Variants in RABL2A observed in about 807,000 individuals in gnomAD.
RABL2A encodes rab-like protein 2A.
In RABL2A, 17 loss-of-function variants were observed where a neutral mutation model predicts 30.7. The ratio of observed to expected loss-of-function variants is 0.55; its 90% confidence interval spans 0.38 to 0.83. The LOEUF is 0.83. Ranked by LOEUF, RABL2A falls within the 40% of genes least tolerant of loss-of-function variation. RABL2A has a pLI of 0.00. For synonymous variants in RABL2A, 64 were observed against 101.8 expected, an observed-to-expected ratio of 0.63 and a Z score of 2.24; for missense variants, 155 against 272.6, an observed-to-expected ratio of 0.57 and a Z score of 3.04.
Position 113,642,386 on chromosome 2 carries a change from A to G in RABL2A, c.*257A>G, listed in dbSNP as rs1010656751. 3 of 693,282 alleles carry G rather than the reference A, an allele frequency of 4.3e-6. No homozygotes were observed. The highest frequency in any genetic ancestry group is 6.6e-6 in the Non-Finnish European group (3 of 453,960). 42.9% of individuals were successfully genotyped at this position (693,282 alleles called of 1,614,324 possible). A position where few individuals can be genotyped will look rare whatever the true frequency, so the allele number is the denominator to read the frequency against. On this transcript the variant is annotated 3_prime_UTR_variant, in exon 9 of 9. Transcript: ENST00000683472. ...GATCAGCATCATTAACACCTTCCCCACCCCCTCCCCCCAGGCAGACAGTGA... is the reference window on the plus strand; with the variant it reads ...GATCAGCATCATTAACACCTTCCCCGCCCCCTCCCCCCAGGCAGACAGTGA...
intron 5 of RABL2A, among the ~76,000 whole-genome samples, chr2:113,639,712 C>A (rs909132861): frequency 6.6e-6 from 1 of 151,914 alleles, no homozygotes; most frequent in Non-Finnish European, 1.5e-5. Flanking sequence ...AAAAATTAGC[C>A]AGGCATGGTG....
At chr2:113,629,961 C>T (rs1269748262) in intron 2 of RABL2A, among the ~76,000 whole-genome samples, 1 of 152,176 alleles carries the variant, frequency 6.6e-6, no homozygotes, top group African/African-American at 2.4e-5. Flanking sequence ...TATCCCCACT[C>T]AAGTTTAAAA....
chr2:113,631,160 G>A (rs993518493), intron 2 of RABL2A, among the ~76,000 whole-genome samples: 1 of 152,112 alleles, frequency 6.6e-6, no homozygotes, highest in Non-Finnish European at 1.5e-5. Flanking sequence ...CTCCCAAAGC[G>A]CTGGGATTAC....
intron 3 of RABL2A, chr2:113,633,938 A>C (rs1681451400): frequency 9.7e-7 from 1 of 1,034,126 alleles, no homozygotes; most frequent in Admixed American, 2.7e-5. Context: ...GCCAGGACAC[A>C]CTCTCATCTC....
intron 2 of RABL2A, among the ~76,000 whole-genome samples, 172 bp downstream of exon 2, chr2:113,628,885 G>A (rs1270945563): frequency 6.6e-6 from 1 of 152,206 alleles, no homozygotes; most frequent in Non-Finnish European, 1.5e-5. Flanking sequence ...CGTTGTGTGT[G>A]TCGGGTGGAG....
Position 113,633,002 on chromosome 2 carries a change from T to G in RABL2A, c.137+58T>G, listed in dbSNP as rs149971467. 1.9e-4 allele frequency: 307 copies of G among 1,613,596 alleles called. 1 individual carries two copies. The East Asian group carries it at 6.8e-3, about 36-fold the overall frequency. ...CTGTGGGTCTTCCCACGCTCATGTA[T>G]CAGTGTCCCACTGCCCACCCCTTTG... is the stretch of plus-strand genomic sequence containing the variant. On this transcript the variant is annotated intron_variant, in intron 3 of 8. Coordinates refer to ENST00000683472, the MANE Select transcript of RABL2A (RefSeq NM_001306158.2).
At chr2:113,641,535 G>T in intron 7 of RABL2A, 85 bp downstream of exon 7, 1 of 1,612,608 alleles carries the variant, frequency 6.2e-7, no homozygotes, top group East Asian at 2.2e-5. Flanking sequence ...TACTGCAGGT[G>T]TGATGGAGAG....
Position 113,642,712 on chromosome 2 carries a change from C to T in RABL2A, c.*583C>T, listed in dbSNP as rs1685614293. Reference sequence around the variant, plus strand: ...CTGGAGTGCAGTGGCGCAGTCTCGGCTCGCTGCAACCTCTGACTCCCTGGT... The same window carrying T: ...CTGGAGTGCAGTGGCGCAGTCTCGGTTCGCTGCAACCTCTGACTCCCTGGT... On this transcript the variant is annotated 3_prime_UTR_variant, in exon 9 of 9. Transcript: ENST00000683472. The T allele has an allele frequency of 5.2e-6, 1 of 193,168 alleles. No homozygotes were observed. Among genetic ancestry groups the T allele is most frequent in the Admixed American group, 5.4e-5 (1 of 18,542 alleles). 12.0% of individuals were successfully genotyped at this position (193,168 alleles called of 1,614,324 possible).
chr2:113,637,128 T>C (rs1683189622), intron 5 of RABL2A, among the ~76,000 whole-genome samples: 1 of 152,216 alleles, frequency 6.6e-6, no homozygotes, highest in African/African-American at 2.4e-5. Context: ...GAGAGATGCA[T>C]GGCTGAGTAG....
chr2:113,629,718 T>G (rs1679558783), intron 2 of RABL2A, among the ~76,000 whole-genome samples: 1 of 152,144 alleles, frequency 6.6e-6, no homozygotes, highest in Non-Finnish European at 1.5e-5. Flanking sequence ...TTTTGTATTT[T>G]TAGTAGAGAC....
At chr2:113,639,365 TA>T (rs1371324901) in intron 5 of RABL2A, among the ~76,000 whole-genome samples, 1 of 152,224 alleles carries the variant, frequency 6.6e-6, no homozygotes, top group Non-Finnish European at 1.5e-5. Context: ...CTCATGCCTG[TA>T]ATCCCAGTAC....
chr2:113,638,908 TAAAAA>T (rs1452856857), intron 5 of RABL2A, among the ~76,000 whole-genome samples: 1 of 151,000 alleles, frequency 6.6e-6, no homozygotes, highest in Non-Finnish European at 1.5e-5. Flanking sequence ...AATAAATAAA[TAAAAA>T]TAAAATAGGT....
chr2:113,630,152 A>G (rs927307825), intron 2 of RABL2A, among the ~76,000 whole-genome samples: 1 of 152,208 alleles, frequency 6.6e-6, no homozygotes, highest in African/African-American at 2.4e-5. Context: ...GACGTCAAAG[A>G]TTACCATAAC....
chr2:113,640,025 C>A (rs1348134092), intron 5 of RABL2A: 1 of 151,672 alleles, frequency 6.6e-6, no homozygotes, highest in Non-Finnish European at 1.5e-5. Context: ...AAAATTAATG[C>A]GTGCGTGCTA....
chr2:113,639,682 CCT>C (rs950691407), intron 5 of RABL2A, among the ~76,000 whole-genome samples: 3 of 151,598 alleles, frequency 2.0e-5, no homozygotes, highest in African/African-American at 7.3e-5. Flanking sequence ...ACGGCAAAAC[CCT>C]GTCTCTACTA....
At position 113,642,257 on chromosome 2, in the gene RABL2A, A is replaced by G. The variant is rs756873064; in HGVS notation, c.*128A>G. On this transcript the variant is annotated 3_prime_UTR_variant, in exon 9 of 9. Transcript: ENST00000683472. ...CCTCCTGCAACCCACCCATCCTATT[A>G]GCCTCCCACATTCAAGGCCCGTGAT... is the stretch of plus-strand genomic sequence containing the variant. 1 of 1,481,064 alleles carries G rather than the reference A, an allele frequency of 6.8e-7. No homozygotes were observed. Among genetic ancestry groups the G allele is most frequent in the Non-Finnish European group, 9.0e-7 (1 of 1,111,734 alleles). 91.7% of individuals were successfully genotyped at this position (1,481,064 alleles called of 1,614,324 possible).
At chr2:113,637,452 A>G (rs1683344664) in intron 5 of RABL2A, 15 of 1,102,228 alleles carry the variant, frequency 1.4e-5, no homozygotes, top group Non-Finnish European at 1.7e-5. Context: ...CCAGGTGGAA[A>G]GACACACGTG....
In RABL2A at chr2:113,642,093, G is replaced by C. The variant is rs529219181; in HGVS notation, c.654G>C (p.Glu218Asp). 8 of 1,613,638 alleles carry C rather than the reference G, an allele frequency of 5.0e-6. No homozygotes were observed. The East Asian group carries it at 1.6e-4, about 31-fold the overall frequency. The change falls in exon 9 of 9, where the codon GAG (glutamate) becomes GAC (aspartate). Residue 218 changes from glutamate (E) to aspartate (D), a missense_variant. By Grantham distance (45) the Glu-to-Asp change is conservative. Around this residue, in one of 5 missense-constraint regions of RABL2A, gnomAD observed 24 missense variants for 69.4 expected, o/e 0.35. Coordinates refer to ENST00000683472, the MANE Select transcript of RABL2A (RefSeq NM_001306158.2). Reference protein sequence around the residue: ...VPDQEQSSSIETPSEEVASPH... With the variant: ...VPDQEQSSSIDTPSEEVASPH... ...ACCAGGAACAGAGCAGCAGCATCGA[G>C]ACCCCATCAGAGGAGGTGGCCTCTC...
intron 5 of RABL2A, chr2:113,637,786 C>T: frequency 2.3e-6 from 3 of 1,287,610 alleles, no homozygotes; most frequent in East Asian, 5.6e-5. Context: ...TTTGAGCTCA[C>T]CTCTCTTTTT....
Sources: allele counts gnomAD v4.1 joint callset (sites outside exome capture counted in the v4.1 genomes callset), GRCh38; gene constraint gnomAD v4.1.1; regional missense constraint gnomAD v4.1.1; transcripts MANE v1.5; gene names NCBI Gene and HGNC (gene_info 2026-07-23, HGNC 2026-07-21).